Variants in TTC28 observed in about 807,000 individuals in gnomAD.
TTC28 encodes tetratricopeptide repeat domain 28.
TTC28 carries 61 observed loss-of-function variants against 198.0 expected under a neutral mutation model. That is an observed-to-expected ratio of 0.31 (90% CI 0.25 to 0.38). The LOEUF (loss-of-function observed/expected upper bound fraction) is 0.38. Ranked by LOEUF, TTC28 falls within the 10% of genes least tolerant of loss-of-function variation. TTC28 has a pLI of 1.00. For missense variants in TTC28, 2,678 were observed against 3,164.0 expected (o/e 0.85, Z 3.69); for synonymous variants, 1,171 against 1,297.8 (o/e 0.90, Z 2.10).
In TTC28 at chr22:28,311,558, G is replaced by T. The variant is rs542406170; in HGVS notation, c.382-4915C>A. On this transcript the variant is annotated intron_variant, in intron 2 of 22. Coordinates refer to ENST00000397906, the MANE Select transcript of TTC28 (RefSeq NM_001145418.2). The stretch of plus-strand genomic sequence containing the variant: ...ACACAGTAGGTATATATATTTATGG[G>T]ATACATAAGATAGTTTAATACAAGC... Among the ~76,000 whole-genome samples the T allele has an allele frequency of 4.7e-4, 72 of 151,980 alleles. No homozygotes were observed. In the South Asian group the frequency reaches 7.3e-3, roughly 15 times the overall value.
chr22:28,273,799 T>C (rs181554490), intron 5 of TTC28, among the ~76,000 whole-genome samples: 271 of 152,244 alleles, frequency 1.8e-3, no homozygotes, highest in Middle Eastern at 0.01. Context: ...TACACTATTT[T>C]ACAGTAAAAG....
intron 2 of TTC28, among the ~76,000 whole-genome samples, chr22:28,583,383 T>C (rs1208833694): frequency 6.6e-6 from 1 of 152,224 alleles, no homozygotes; most frequent in Admixed American, 6.5e-5. Context: ...GTAGAATTCC[T>C]GCTGAGGACT....
Position 28,146,680 on chromosome 22 carries a change from T to A in TTC28, c.1441+16412A>T, listed in dbSNP as rs117467806. Among the ~76,000 whole-genome samples, 1,069 of 152,324 alleles carry A rather than the reference T, an allele frequency of 7.0e-3. 5 individuals carry two copies. Among genetic ancestry groups the A allele is most frequent in the Admixed American group, 0.013 (193 of 15,304 alleles). On this transcript the variant is annotated intron_variant, in intron 6 of 22. Transcript: ENST00000397906. ...TGGGCCATGTTATAAGCTGTCTTTG[T>A]CTTATTCGGGATTAGATAATGGATT... is the stretch of plus-strand genomic sequence containing the variant.
rs1208990073 is a variant in TTC28, at chr22:28,106,932, G to A, written c.2783+130C>T. Reference sequence around the variant, plus strand: ...CTACTTGATTCAAACAGTTGTTGGAGGAATCAGATGAGATATGTACGAAAA... The same window carrying A: ...CTACTTGATTCAAACAGTTGTTGGAAGAATCAGATGAGATATGTACGAAAA... On this transcript the variant is annotated intron_variant, in intron 7 of 22. Transcript: ENST00000397906. 4 of 1,190,762 alleles carry A rather than the reference G, an allele frequency of 3.4e-6. No homozygotes were observed. In the Admixed American group the frequency reaches 8.7e-5, roughly 26 times the overall value. The allele number at this position is 1,190,762 out of a possible 1,614,324, so 73.8% of individuals were successfully genotyped here. A position where few individuals can be genotyped will look rare whatever the true frequency, so the allele number is the denominator to read the frequency against.
intron 2 of TTC28, among the ~76,000 whole-genome samples, chr22:28,456,774 C>T (rs960775862): frequency 6.6e-6 from 1 of 152,154 alleles, no homozygotes; most frequent in Non-Finnish European, 1.5e-5. Context: ...CGGGGTTTCA[C>T]GATGTTGGCC....
At chr22:28,333,978 T>C (rs1601643511) in intron 2 of TTC28, among the ~76,000 whole-genome samples, 1 of 151,630 alleles carries the variant, frequency 6.6e-6, no homozygotes, top group South Asian at 2.1e-4. Flanking sequence ...ATTAGGCATA[T>C]CTCCTAATGC....
At position 28,629,750 on chromosome 22, in the gene TTC28, T is replaced by C; in HGVS notation, c.183A>G (p.Lys61=). Reference sequence around the variant, plus strand: ...GACAGGCCTGATTACTCTGACGAACTTTCTCAACAAATTCAGCTTTGCTCA... The same window carrying C: ...GACAGGCCTGATTACTCTGACGAACCTTCTCAACAAATTCAGCTTTGCTCA... The part of the protein sequence containing the change: ...PVLSKAEFVE[K]VRQSNQACHD... The change falls in exon 2 of 23, where the codon AAA becomes AAG. Residue 61 remains lysine, a synonymous_variant. Coordinates refer to ENST00000397906, the MANE Select transcript of TTC28 (RefSeq NM_001145418.2). 2 of 1,551,722 alleles carry C rather than the reference T, an allele frequency of 1.3e-6. No individual in the cohort carries two copies. The highest frequency in any genetic ancestry group is 1.7e-6 in the Non-Finnish European group (2 of 1,146,980).
At chr22:28,072,482 G>C (rs58896454) in intron 12 of TTC28, among the ~76,000 whole-genome samples, 1,992 of 152,242 alleles carry the variant, frequency 0.013, 45 homozygotes, top group African/African-American at 0.046. Flanking sequence ...TAACCAACAA[G>C]TATCCATTAG....
chr22:28,505,874 C>A (rs546030424), intron 2 of TTC28, among the ~76,000 whole-genome samples: 2 of 152,214 alleles, frequency 1.3e-5, no homozygotes, highest in African/African-American at 4.8e-5. Context: ...AGGCTGGAGT[C>A]GGCCTGAGTT....
Position 27,982,908 on chromosome 22 carries a change from G to A in TTC28, c.6759C>T (p.Thr2253=), listed in dbSNP as rs1393283388. Reference sequence around the variant, plus strand: ...TGTCTTTGATGGACATCTCTGAGGTGGTGGGGCTGCTATATCCGGAACTCA... The same window carrying A: ...TGTCTTTGATGGACATCTCTGAGGTAGTGGGGCTGCTATATCCGGAACTCA... ...PKVSSGYSSP[T]TSEMSIKDSP... is the part of the protein sequence containing the mutation. Residue 2253 remains threonine, a synonymous_variant, in exon 23 of 23, where the codon ACC becomes ACT. Transcript: ENST00000397906. This position sits in a 1 kb window ranked among gnomAD's most constrained non-coding sequence, Gnocchi z 5.2. 1.3e-6 allele frequency: 2 copies of A among 1,551,520 alleles called. No individual in the cohort carries two copies. Among genetic ancestry groups the A allele is most frequent in the Non-Finnish European group, 1.7e-6 (2 of 1,146,978 alleles).
intron 2 of TTC28, among the ~76,000 whole-genome samples, chr22:28,454,587 TA>T (rs2047830405): frequency 6.6e-6 from 1 of 152,228 alleles, no homozygotes; most frequent in African/African-American, 2.4e-5. Context: ...AAGTAAGCAG[TA>T]ATTATTCTGG....
intron 2 of TTC28, among the ~76,000 whole-genome samples, chr22:28,537,022 G>A (rs552785557): frequency 1.6e-3 from 244 of 151,838 alleles, no homozygotes; most frequent in African/African-American, 5.0e-3. Context: ...GGCCGGGCGC[G>A]GTGGCTCACG....
At chr22:28,298,634 A>T (rs1171234914) in intron 3 of TTC28, among the ~76,000 whole-genome samples, 1 of 152,140 alleles carries the variant, frequency 6.6e-6, no homozygotes, top group East Asian at 1.9e-4. Context: ...AAATTTTTGT[A>T]GAGATGAGGT....
At chr22:28,194,450 A>C (rs5762515) in intron 5 of TTC28, among the ~76,000 whole-genome samples, 7 of 141,932 alleles carry the variant, frequency 4.9e-5, no homozygotes, top group Non-Finnish European at 1.1e-4. Context: ...AACTGAAGGA[A>C]ATAGAGACAT....
intron 6 of TTC28, among the ~76,000 whole-genome samples, chr22:28,157,399 C>G (rs1473832551): frequency 6.6e-6 from 1 of 152,210 alleles, no homozygotes; most frequent in African/African-American, 2.4e-5. Context: ...CCTACTCAAA[C>G]TGTTCCAAGA....
chr22:28,428,113 C>A (rs1422321882), intron 2 of TTC28, among the ~76,000 whole-genome samples: 1 of 149,126 alleles, frequency 6.7e-6, no homozygotes, highest in African/African-American at 2.5e-5. Context: ...GAAAGAACAT[C>A]GTACCGTAAG....
At chr22:28,420,346 C>A (rs1240180053) in intron 2 of TTC28, among the ~76,000 whole-genome samples, 2 of 152,014 alleles carry the variant, frequency 1.3e-5, no homozygotes, top group African/African-American at 4.8e-5. Context: ...ATTTTTCTGA[C>A]TTTAATACCA....
At chr22:28,370,031 C>T (rs1027691548) in intron 2 of TTC28, among the ~76,000 whole-genome samples, 2 of 152,156 alleles carry the variant, frequency 1.3e-5, no homozygotes, top group African/African-American at 4.8e-5. Flanking sequence ...CCAACCTATA[C>T]AGACAACTGC....
intron 2 of TTC28, among the ~76,000 whole-genome samples, chr22:28,420,587 G>GT (rs887106303): frequency 1.4e-4 from 20 of 145,710 alleles, no homozygotes; most frequent in Admixed American, 2.0e-4. Context: ...AAAAAAAGGT[G>GT]TTTTTTTTGT....
Sources: gnomAD v4.1 joint callset for allele counts (sites outside exome capture counted in the v4.1 genomes callset) on GRCh38, gnomAD v4.1.1 for gene constraint, Gnocchi (gnomAD v3.1) non-coding constraint, MANE v1.5 for transcripts, NCBI Gene and HGNC (gene_info 2026-07-23, HGNC 2026-07-21) for gene names.